Variants in TRIM56 observed in about 807,000 individuals in gnomAD.
TRIM56 encodes the protein tripartite motif containing 56, also known as E3 ubiquitin-protein ligase TRIM56.
TRIM56 carries 10 observed loss-of-function variants against 17.1 expected under a neutral mutation model. The observed-to-expected ratio is 0.58, with a 90% CI of 0.36 to 0.99. TRIM56 has a LOEUF of 0.99. Among genes scored for constraint, TRIM56 ranks in the 50% least tolerant of loss-of-function variants. The pLI is 0.01. For synonymous variants in TRIM56, 503 were observed against 473.5 expected, an observed-to-expected ratio of 1.06 and a Z score of -0.81; for missense variants, 923 against 1,052.3, an observed-to-expected ratio of 0.88 and a Z score of 1.70.
In TRIM56 at chr7:101,091,623, A is replaced by C. The variant is rs1195559456; in HGVS notation, c.*2043A>C. The C allele has an allele frequency of 2.5e-6, 1 of 393,036 alleles. No individual in the cohort carries two copies. Among genetic ancestry groups the C allele is most frequent in the Non-Finnish European group, 5.0e-6 (1 of 201,724 alleles). The allele number at this position is 393,036 out of a possible 1,614,324, so 24.3% of individuals were successfully genotyped here. ...GCGTCTGTAATCCCAGCTACTTGGGAGGCTGAGGCAGGAGAATCATTTGAA... is the reference window on the plus strand; with the variant it reads ...GCGTCTGTAATCCCAGCTACTTGGGCGGCTGAGGCAGGAGAATCATTTGAA... On this transcript the variant is annotated 3_prime_UTR_variant, in exon 3 of 3. Coordinates refer to ENST00000306085, the MANE Select transcript of TRIM56 (RefSeq NM_030961.3).
rs1210487953 is a variant in TRIM56, at chr7:101,094,171, T to C, written c.*4591T>C. ...TTAGGGGAATGAGCCTTTCTTTGTG[T>C]ATGACAACTATGAAAACTATTGAGA... On this transcript the variant is annotated 3_prime_UTR_variant, in exon 3 of 3. Coordinates refer to ENST00000306085, the MANE Select transcript of TRIM56 (RefSeq NM_030961.3). 3 of 152,244 alleles carry C rather than the reference T, an allele frequency of 2.0e-5. No homozygotes were observed. Among genetic ancestry groups the C allele is most frequent in the Non-Finnish European group, 4.4e-5 (3 of 68,050 alleles). The allele number at this position is 152,244 out of a possible 1,614,324, so 9.4% of individuals were successfully genotyped here.
chr7:101,094,942 A>C lies in TRIM56; in HGVS notation c.*5362A>C, dbSNP rs993141007. Reference sequence around the variant, plus strand: ...CTGTGAAGTGAATTACTATCTAGACAAGGATGAGACTGGTATGACTCTCCA... The same window carrying C: ...CTGTGAAGTGAATTACTATCTAGACCAGGATGAGACTGGTATGACTCTCCA... On this transcript the variant is annotated 3_prime_UTR_variant, in exon 3 of 3. Transcript: ENST00000306085. 1.3e-5 allele frequency: 2 copies of C among 152,068 alleles called. No homozygotes were observed. Among genetic ancestry groups the C allele is most frequent in the Non-Finnish European group, 2.9e-5 (2 of 68,052 alleles). 9.4% of individuals were successfully genotyped at this position (152,068 alleles called of 1,614,324 possible).
At chr7:101,086,649 A>G in intron 1 of TRIM56, 1 of 151,176 alleles carries the variant, frequency 6.6e-6, no homozygotes, top group Non-Finnish European at 1.5e-5. Context: ...TAGGAGTTTG[A>G]GGCTGCAGTG....
At position 101,089,298 on chromosome 7, in the gene TRIM56, T is replaced by C; in HGVS notation, c.1986T>C (p.Asp662=). ...DWQQNSVVIC[D]GLGQVVGEYK... is the part of the protein sequence containing the mutation. Reference sequence around the variant, plus strand: ...AGCAGAATAGTGTGGTAATCTGTGATGGGCTGGGCCAGGTGGTTGGGGAGT... The same window carrying C: ...AGCAGAATAGTGTGGTAATCTGTGACGGGCTGGGCCAGGTGGTTGGGGAGT... Residue 662 remains aspartate (D), a synonymous_variant, in exon 3 of 3, where the codon GAT becomes GAC. Transcript: ENST00000306085. The C allele has an allele frequency of 6.2e-7, 1 of 1,605,098 alleles. No homozygotes were observed. The highest frequency in any genetic ancestry group is 1.3e-5 in the African/African-American group (1 of 74,872).
In TRIM56 at chr7:101,096,791, G is replaced by A. The variant is rs1445788473; in HGVS notation, c.*7211G>A. On this transcript the variant is annotated 3_prime_UTR_variant, in exon 3 of 3. Coordinates refer to ENST00000306085, the MANE Select transcript of TRIM56 (RefSeq NM_030961.3). ...TCTGCAAATCAGCTTCTCCTTCAGAGGAGACCATTTTGTTTTGCTTTCCAG... is the reference window on the plus strand; with the variant it reads ...TCTGCAAATCAGCTTCTCCTTCAGAAGAGACCATTTTGTTTTGCTTTCCAG... The A allele has an allele frequency of 6.6e-6, 1 of 152,180 alleles. No individual in the cohort carries two copies. Among genetic ancestry groups the A allele is most frequent in the Non-Finnish European group, 1.5e-5 (1 of 68,046 alleles). 9.4% of individuals were successfully genotyped at this position (152,180 alleles called of 1,614,324 possible). A position where few individuals can be genotyped will look rare whatever the true frequency, so the allele number is the denominator to read the frequency against.
At position 101,089,136 on chromosome 7, in the gene TRIM56, G is replaced by A. The variant is rs368996998; in HGVS notation, c.1824G>A (p.Ala608=). The A allele has an allele frequency of 1.8e-5, 29 of 1,607,748 alleles. 1 individual carries two copies. Among genetic ancestry groups the A allele is most frequent in the South Asian group, 5.5e-5 (5 of 90,958 alleles). ...GGGACCGCGTGGCTGTCAGCGTGGC[G>A]GGCCACGTGGAGGTGTACAATATGG... ...PSGDRVAVSV[A]GHVEVYNMEG... Residue 608 remains alanine, a synonymous_variant, in exon 3 of 3, where the codon GCG becomes GCA. Coordinates refer to ENST00000306085, the MANE Select transcript of TRIM56 (RefSeq NM_030961.3).
At chr7:101,086,707 C>T (rs1482938706) in intron 1 of TRIM56, 3 of 152,492 alleles carry the variant, frequency 2.0e-5, no homozygotes, top group Non-Finnish European at 2.9e-5. Flanking sequence ...AGAGGGTGAC[C>T]CTATTGCTAA....
In TRIM56 at chr7:101,089,097, G is replaced by A. The variant is rs368413036; in HGVS notation, c.1785G>A (p.Ala595=). 1.1e-4 allele frequency: 171 copies of A among 1,599,472 alleles called. No individual in the cohort carries two copies. The highest frequency in any genetic ancestry group is 2.8e-4 in the African/African-American group (21 of 74,716). ...LSLSQASHAV[A]ALPSGDRVAV... Reference sequence around the variant, plus strand: ...TCTCCCAGGCCAGCCACGCGGTGGCGGCACTGCCTAGCGGGGACCGCGTGG... The same window carrying A: ...TCTCCCAGGCCAGCCACGCGGTGGCAGCACTGCCTAGCGGGGACCGCGTGG... The change falls in exon 3 of 3, where the codon GCG becomes GCA. Residue 595 remains alanine, a synonymous_variant. Coordinates refer to ENST00000306085, the MANE Select transcript of TRIM56 (RefSeq NM_030961.3).
rs772532404 is a variant in TRIM56, at chr7:101,087,641, C to T, written c.329C>T (p.Thr110Ile). The change falls in exon 3 of 3, where the codon ACC becomes ATC. Residue 110 changes from threonine to isoleucine, a missense_variant. Physicochemically the swap from Thr to Ile is moderately conservative, Grantham distance 89. This residue lies in a region of TRIM56 where 643 missense variants were observed against 665.6 expected (regional missense o/e 0.97). Coordinates refer to ENST00000306085, the MANE Select transcript of TRIM56 (RefSeq NM_030961.3). ...ACALCPLVGG[T>I]STGGPATARC... The stretch of plus-strand genomic sequence containing the variant: ...GCCCTGTGTCCCCTGGTGGGTGGCA[C>T]CAGCACCGGGGGGCCGGCCACGGCC... 16 of 1,610,026 alleles carry T rather than the reference C, an allele frequency of 9.9e-6. No homozygotes were observed. Among genetic ancestry groups the T allele is most frequent in the South Asian group, 1.1e-5 (1 of 90,720 alleles).
rs1795620318 is a variant in TRIM56, at chr7:101,093,976, G to A, written c.*4396G>A. 6.6e-6 allele frequency: 1 copy of A among 152,166 alleles called. No homozygotes were observed. The highest frequency in any genetic ancestry group is 2.4e-5 in the African/African-American group (1 of 41,428). The allele number at this position is 152,166 out of a possible 1,614,324, so 9.4% of individuals were successfully genotyped here. A position where few individuals can be genotyped will look rare whatever the true frequency, so the allele number is the denominator to read the frequency against. On this transcript the variant is annotated 3_prime_UTR_variant, in exon 3 of 3. Transcript: ENST00000306085. Reference sequence around the variant, plus strand: ...TAATTTGGCTAGACTTTGCAAGAATGACAAAAATGATTATAAGAATCAGTT... The same window carrying A: ...TAATTTGGCTAGACTTTGCAAGAATAACAAAAATGATTATAAGAATCAGTT...
In TRIM56 at chr7:101,097,568, C is replaced by T. The variant is rs1795668261; in HGVS notation, c.*7988C>T. The T allele has an allele frequency of 6.6e-6, 1 of 152,208 alleles. No homozygotes were observed. 9.4% of individuals were successfully genotyped at this position (152,208 alleles called of 1,614,324 possible). A position where few individuals can be genotyped will look rare whatever the true frequency, so the allele number is the denominator to read the frequency against. ...TGGAGCAGTATACAAAGTACAGCAA[C>T]ATCAGACTAGATCTCACCTGAGGTG... is the stretch of plus-strand genomic sequence containing the variant. On this transcript the variant is annotated 3_prime_UTR_variant, in exon 3 of 3. Transcript: ENST00000306085.
At position 101,089,682 on chromosome 7, in the gene TRIM56, AG is replaced by A; in HGVS notation, c.*106del. On this transcript the variant is annotated 3_prime_UTR_variant, in exon 3 of 3. Transcript: ENST00000306085. ...GGCCGAGGACATTTTCCTGAAGGGCAGGGGTTGGCAACTTTTCAACATGGAG... is the reference window on the plus strand; with the variant it reads ...GGCCGAGGACATTTTCCTGAAGGGCAGGGTTGGCAACTTTTCAACATGGAG... 2.5e-6 allele frequency: 3 copies of A among 1,190,602 alleles called. No individual in the cohort carries two copies. The highest frequency in any genetic ancestry group is 3.5e-6 in the Non-Finnish European group (3 of 857,638). 73.8% of individuals were successfully genotyped at this position (1,190,602 alleles called of 1,614,324 possible).
Position 101,097,037 on chromosome 7 carries a change from A to T in TRIM56, c.*7457A>T, listed in dbSNP as rs1384563564. On this transcript the variant is annotated 3_prime_UTR_variant, in exon 3 of 3. Transcript: ENST00000306085. Reference sequence around the variant, plus strand: ...TAGAGAAAATATCATTTGGAAAGGGAGTAGCTCTCCTTCTATTTTAGCCTT... The same window carrying T: ...TAGAGAAAATATCATTTGGAAAGGGTGTAGCTCTCCTTCTATTTTAGCCTT... 6.6e-6 allele frequency: 1 copy of T among 152,210 alleles called. No homozygotes were observed. The highest frequency in any genetic ancestry group is 1.5e-5 in the Non-Finnish European group (1 of 68,044). The allele number at this position is 152,210 out of a possible 1,614,324, so 9.4% of individuals were successfully genotyped here. A position where few individuals can be genotyped will look rare whatever the true frequency, so the allele number is the denominator to read the frequency against.
rs1795574443 is a variant in TRIM56 at position 101,092,041 on chromosome 7, C to T, written c.*2461C>T. 1.4e-5 allele frequency: 4 copies of T among 291,342 alleles called. No individual in the cohort carries two copies. Among genetic ancestry groups the T allele is most frequent in the South Asian group, 5.5e-5 (2 of 36,538 alleles). 18.0% of individuals were successfully genotyped at this position (291,342 alleles called of 1,614,324 possible). ...CTAACCGCGAGTGATCCGCCAGCCT[C>T]GGCCTCCGGAGGTGCCGGGATTGCA... On this transcript the variant is annotated 3_prime_UTR_variant, in exon 3 of 3. Transcript: ENST00000306085.
At position 101,088,131 on chromosome 7, in the gene TRIM56, G is replaced by A. The variant is rs866078545; in HGVS notation, c.819G>A (p.Val273=). ...CCCTGCTGGCCCAGAAGCAGGAGGT[G>A]CTGGGGCAGCTACGAGCCCACGTGG... The part of the protein sequence containing the change: ...LRALLAQKQE[V]LGQLRAHVEA... The change falls in exon 3 of 3, where the codon GTG becomes GTA. Residue 273 remains valine, a synonymous_variant. Transcript: ENST00000306085. 5 of 1,501,016 alleles carry A rather than the reference G, an allele frequency of 3.3e-6. No individual in the cohort carries two copies. In the Middle Eastern group the frequency reaches 6.0e-4, roughly 179 times the overall value. The allele number at this position is 1,501,016 out of a possible 1,614,324, so 93.0% of individuals were successfully genotyped here. A position where few individuals can be genotyped will look rare whatever the true frequency, so the allele number is the denominator to read the frequency against.
Position 101,088,476 on chromosome 7 carries a change from A to T in TRIM56, c.1164A>T (p.Gly388=), listed in dbSNP as rs1397754607. 2 of 1,613,792 alleles carry T rather than the reference A, an allele frequency of 1.2e-6. No individual in the cohort carries two copies. The highest frequency in any genetic ancestry group is 2.2e-5 in the East Asian group (1 of 44,866). The change falls in exon 3 of 3, where the codon GGA becomes GGT. Residue 388 remains glycine, a synonymous_variant. Transcript: ENST00000306085. The part of the protein sequence containing the change: ...DGGKDGAGTQ[G]GEESQSRRED... ...GGAAAGACGGAGCTGGTACCCAGGG[A>T]GGTGAGGAGAGCCAGAGCCGGAGGG...
chr7:101,088,138 C>A lies in TRIM56; in HGVS notation c.826C>A (p.Gln276Lys). 6.7e-7 allele frequency: 1 copy of A among 1,499,010 alleles called. No homozygotes were observed. Among genetic ancestry groups the A allele is most frequent in the South Asian group, 1.3e-5 (1 of 79,044 alleles). The allele number at this position is 1,499,010 out of a possible 1,614,324, so 92.9% of individuals were successfully genotyped here. The part of the protein sequence containing the change: ...LLAQKQEVLG[Q>K]LRAHVEAAEE... ...GGCCCAGAAGCAGGAGGTGCTGGGG[C>A]AGCTACGAGCCCACGTGGAGGCTGC... The change falls in exon 3 of 3, where the codon CAG (glutamine) becomes AAG (lysine). Residue 276 changes from glutamine to lysine, a missense_variant. By Grantham distance (53) the Gln-to-Lys change is moderately conservative (BLOSUM62 1). Transcript: ENST00000306085.
Position 101,093,340 on chromosome 7 carries a change from T to TA in TRIM56, c.*3779dup, listed in dbSNP as rs576426651. The TA allele has an allele frequency of 0.044, 4,039 of 90,816 alleles. 129 individuals carry two copies. The highest frequency in any genetic ancestry group is 0.1 in the African/African-American group (2,838 of 28,224). 5.6% of individuals were successfully genotyped at this position (90,816 alleles called of 1,614,324 possible). Reference sequence around the variant, plus strand: ...CACCCAAGAATGATCAATAAAAAATTAAAAAAAAAAAAAAAAAAAGAAAAC... The same window carrying TA: ...CACCCAAGAATGATCAATAAAAAATTAAAAAAAAAAAAAAAAAAAAGAAAAC... On this transcript the variant is annotated 3_prime_UTR_variant, in exon 3 of 3. Transcript: ENST00000306085.
rs576200383 is a variant in TRIM56 at position 101,092,825 on chromosome 7, G to A, written c.*3245G>A. On this transcript the variant is annotated 3_prime_UTR_variant, in exon 3 of 3. Coordinates refer to ENST00000306085, the MANE Select transcript of TRIM56 (RefSeq NM_030961.3). ...AGCCCCTCTGCCCGGCCACCACCCC[G>A]TCTGGGAGGTGTACCCAACAGCTCA... 1,977 of 167,958 alleles carry A rather than the reference G, an allele frequency of 0.012. 37 individuals are homozygous for A. The highest frequency in any genetic ancestry group is 0.045 in the African/African-American group (1,892 of 41,658). The allele number at this position is 167,958 out of a possible 1,614,324, so 10.4% of individuals were successfully genotyped here. A position where few individuals can be genotyped will look rare whatever the true frequency, so the allele number is the denominator to read the frequency against.
Sources: allele counts gnomAD v4.1 joint callset, GRCh38; gene constraint gnomAD v4.1.1; regional missense constraint gnomAD v4.1.1; transcripts MANE v1.5; gene names NCBI Gene and HGNC (gene_info 2026-07-23, HGNC 2026-07-21).